Variants in LRRIQ3 observed in about 807,000 individuals in gnomAD.
LRRIQ3 encodes the protein leucine-rich repeat and IQ domain-containing protein 3.
A neutral mutation model predicts 59.3 loss-of-function variants in LRRIQ3; 75 were observed. The observed-to-expected ratio is 1.26, with a 90% CI of 1.05 to 1.53. The LOEUF is 1.53. Ranked by LOEUF, LRRIQ3 falls within the 40% of genes most tolerant of loss-of-function variation. LRRIQ3 has a pLI of 0.00. For missense variants in LRRIQ3, 831 were observed against 710.0 expected, an observed-to-expected ratio of 1.17 and a Z score of -1.94; for synonymous variants, 250 against 231.3, an observed-to-expected ratio of 1.08 and a Z score of -0.73.
At chr1:74,103,723 A>G (rs903562766) in intron 5 of LRRIQ3, among the ~76,000 whole-genome samples, 4 of 151,874 alleles carry the variant, frequency 2.6e-5, no homozygotes, top group Non-Finnish European at 4.4e-5. Context: ...AAAAAAGAAG[A>G]TGAGTAGTAG....
In LRRIQ3 at chr1:74,074,759, G is replaced by T; in HGVS notation, c.899C>A (p.Ser300Tyr). The T allele has an allele frequency of 1.4e-6, 2 of 1,406,892 alleles. No homozygotes were observed. The highest frequency in any genetic ancestry group is 1.9e-6 in the Non-Finnish European group (2 of 1,043,218). 87.2% of individuals were successfully genotyped at this position (1,406,892 alleles called of 1,614,324 possible). ...TGACACATGTTTTCTGTGTTCACTG[G>T]AATTTTTTAAATCAACAGGATAATA... ...NIYYPVDLKN[S>Y]SEHRKHVSSI... Residue 300 changes from serine (S) to tyrosine (Y), a missense_variant, in exon 6 of 8, where the codon TCC becomes TAC. By Grantham distance (144) the Ser-to-Tyr change is moderately radical. Transcript: ENST00000354431.
chr1:74,185,572 GT>G (rs200648417), intron 1 of LRRIQ3, among the ~76,000 whole-genome samples: 31 of 151,532 alleles, frequency 2.0e-4, no homozygotes, highest in Middle Eastern at 3.4e-3. Flanking sequence ...GTTTTCCAAA[GT>G]TTTTTTTTCC....
At chr1:74,071,058 T>A (rs1655013594) in intron 6 of LRRIQ3, among the ~76,000 whole-genome samples, 1 of 150,204 alleles carries the variant, frequency 6.7e-6, no homozygotes, top group Admixed American at 6.7e-5. Context: ...TACACACACA[T>A]TATATATATA....
chr1:74,136,167 C>T (rs963389338), intron 4 of LRRIQ3, among the ~76,000 whole-genome samples: 2 of 151,670 alleles, frequency 1.3e-5, no homozygotes, highest in Non-Finnish European at 2.9e-5. Flanking sequence ...ACACTAATTA[C>T]CAAAACTAAC....
At chr1:74,132,898 A>C (rs1409609187) in intron 4 of LRRIQ3, among the ~76,000 whole-genome samples, 1 of 152,210 alleles carries the variant, frequency 6.6e-6, no homozygotes, top group Non-Finnish European at 1.5e-5. Context: ...TCTGCACAGC[A>C]AAAGAAACTA....
At chr1:74,155,379 T>C (rs1314795158) in intron 4 of LRRIQ3, among the ~76,000 whole-genome samples, 1 of 152,170 alleles carries the variant, frequency 6.6e-6, no homozygotes, top group African/African-American at 2.4e-5. Context: ...ACAATATAGA[T>C]TGACGTGGTA....
At chr1:74,033,924 A>T (rs1021152244) in intron 7 of LRRIQ3, among the ~76,000 whole-genome samples, 1 of 152,002 alleles carries the variant, frequency 6.6e-6, no homozygotes, top group Admixed American at 6.6e-5. Flanking sequence ...ACTTTCTCAG[A>T]GTACAGACAT....
intron 4 of LRRIQ3, among the ~76,000 whole-genome samples, chr1:74,113,929 CAT>C (rs555597591): frequency 4.6e-5 from 7 of 151,412 alleles, no homozygotes; most frequent in Admixed American, 3.3e-4. Context: ...ATTATATAAA[CAT>C]ATATATATAA....
chr1:74,149,129 C>G (rs1647760961), intron 4 of LRRIQ3, among the ~76,000 whole-genome samples: 1 of 152,112 alleles, frequency 6.6e-6, no homozygotes, highest in Admixed American at 6.5e-5. Flanking sequence ...ATTCATGACA[C>G]TGACCTGAAA....
At chr1:74,050,935 T>C (rs908389447) in intron 6 of LRRIQ3, among the ~76,000 whole-genome samples, 7 of 152,166 alleles carry the variant, frequency 4.6e-5, no homozygotes, top group African/African-American at 1.7e-4. Flanking sequence ...TATACTCTGG[T>C]ATAAATGACT....
intron 7 of LRRIQ3, among the ~76,000 whole-genome samples, chr1:74,027,891 T>C (rs1040921451): frequency 1.3e-5 from 2 of 152,022 alleles, no homozygotes; most frequent in Admixed American, 6.6e-5. Context: ...AAACATTATG[T>C]AACAAGTCAG....
intron 3 of LRRIQ3, among the ~76,000 whole-genome samples, chr1:74,167,107 C>T (rs1221143070): frequency 1.3e-5 from 2 of 151,756 alleles, no homozygotes; most frequent in Non-Finnish European, 2.9e-5. Flanking sequence ...GGTTATCTAT[C>T]CAGAGGAAAA....
chr1:74,126,856 T>C (rs916795036), intron 4 of LRRIQ3, among the ~76,000 whole-genome samples: 8 of 152,104 alleles, frequency 5.3e-5, no homozygotes, highest in Non-Finnish European at 4.4e-5. Flanking sequence ...TAAATATCTA[T>C]TAGGTCTATT....
intron 6 of LRRIQ3, among the ~76,000 whole-genome samples, chr1:74,059,550 G>A (rs543617142): frequency 6.6e-6 from 1 of 152,082 alleles, no homozygotes; most frequent in African/African-American, 2.4e-5. Context: ...GTATTGCCTT[G>A]ATCTAAATGT....
At chr1:74,131,155 C>A (rs1570170962) in intron 4 of LRRIQ3, among the ~76,000 whole-genome samples, 1 of 152,096 alleles carries the variant, frequency 6.6e-6, no homozygotes, top group Admixed American at 6.6e-5. Context: ...GACACATACA[C>A]CCTCCCAAGA....
chr1:74,152,698 A>T (rs560682894), intron 4 of LRRIQ3, among the ~76,000 whole-genome samples: 1 of 152,322 alleles, frequency 6.6e-6, no homozygotes, highest in East Asian at 1.9e-4. Context: ...CCCAATAGCA[A>T]TGAATACATC....
At chr1:74,033,059 T>C (rs1653766044) in intron 7 of LRRIQ3, among the ~76,000 whole-genome samples, 1 of 152,014 alleles carries the variant, frequency 6.6e-6, no homozygotes, top group Non-Finnish European at 1.5e-5. Context: ...AGGCCATAAG[T>C]GGTGTTTGAA....
intron 5 of LRRIQ3, among the ~76,000 whole-genome samples, chr1:74,094,427 C>A (rs1351119675): frequency 6.6e-6 from 1 of 151,924 alleles, no homozygotes; most frequent in African/African-American, 2.4e-5. Flanking sequence ...ATGACAGAAG[C>A]AAGAGGTTAG....
intron 7 of LRRIQ3, among the ~76,000 whole-genome samples, chr1:74,028,871 G>C (rs1426117903): frequency 2.6e-5 from 4 of 151,942 alleles, no homozygotes; most frequent in African/African-American, 9.7e-5. Context: ...CTAGAAATCA[G>C]GAGAGTAGTC....
Sources: gnomAD v4.1 joint callset for allele counts (sites outside exome capture counted in the v4.1 genomes callset) on GRCh38, gnomAD v4.1.1 for gene constraint, MANE v1.5 for transcripts, NCBI Gene and HGNC (gene_info 2026-07-23, HGNC 2026-07-21) for gene names.